The following SLC7A2 variants were observed in gnomAD, a reference collection of about 807,000 sequenced individuals.
The protein encoded by SLC7A2 is cationic amino acid transporter 2.
SLC7A2 carries 48 observed loss-of-function variants against 58.9 expected under a neutral mutation model. The observed-to-expected ratio is 0.82, with a 90% CI of 0.65 to 1.04. The LOEUF is 1.04. SLC7A2 is among the 50% of genes least tolerant of loss of function. SLC7A2 has a pLI of 0.00. For synonymous variants in SLC7A2, 363 were observed against 314.5 expected, an observed-to-expected ratio of 1.15 and a Z score of -1.63; for missense variants, 1,029 against 818.8, an observed-to-expected ratio of 1.26 and a Z score of -3.13.
chr8:17,523,020 G>C (rs1170832313), intron 2 of SLC7A2, among the ~76,000 whole-genome samples: 3 of 152,108 alleles, frequency 2.0e-5, no homozygotes, highest in Non-Finnish European at 4.4e-5. Context: ...GGGTGACAGA[G>C]GGAGACCCTG....
chr8:17,501,754 A>G (rs1800169791), intron 1 of SLC7A2, among the ~76,000 whole-genome samples: 2 of 152,076 alleles, frequency 1.3e-5, no homozygotes, highest in Admixed American at 1.3e-4. Context: ...AATGAAAGCA[A>G]TACCCACACA....
intron 2 of SLC7A2, among the ~76,000 whole-genome samples, chr8:17,533,023 C>T (rs1801521692): frequency 6.6e-6 from 1 of 152,106 alleles, no homozygotes; most frequent in South Asian, 2.1e-4. Flanking sequence ...CACTTTATTT[C>T]CAGTTGTTTT....
At chr8:17,501,243 G>T (rs1203109833) in intron 1 of SLC7A2, among the ~76,000 whole-genome samples, 1 of 152,034 alleles carries the variant, frequency 6.6e-6, no homozygotes, top group South Asian at 2.1e-4. Context: ...CGAAATCCTG[G>T]CCTCAAGTGA....
rs191663355 is a variant in SLC7A2, at chr8:17,555,141, A to G, written c.1195+442A>G. On this transcript the variant is annotated intron_variant, in intron 8 of 12. Coordinates refer to ENST00000494857, the MANE Select transcript of SLC7A2 (RefSeq NM_001370338.1). ...AGACTGGAACATTTAATTCGCATGC[A>G]TGGACTTATAAAGAGGGTCTGCATG... 7.8e-6 allele frequency: 12 copies of G among 1,543,088 alleles called. No individual in the cohort carries two copies. The Admixed American group carries it at 1.6e-4, about 20-fold the overall frequency.
intron 5 of SLC7A2, among the ~76,000 whole-genome samples, chr8:17,549,851 T>C (rs1343063021): frequency 6.6e-6 from 1 of 152,228 alleles, no homozygotes; most frequent in Non-Finnish European, 1.5e-5. Flanking sequence ...GGAAGTTTTG[T>C]TTCGTGTTTT....
In SLC7A2 at chr8:17,548,831, C is replaced by G; in HGVS notation, c.686C>G (p.Ser229Ter). 3.1e-6 allele frequency: 5 copies of G among 1,596,770 alleles called. No individual in the cohort carries two copies. Residue 229 changes from serine to a stop codon, truncating the protein, a stop_gained, in exon 5 of 13, where the codon TCA (serine) becomes TGA (stop). Transcript: ENST00000494857. LOFTEE classifies it high-confidence loss of function. ...KISEEFLKNISASAREPPSEN... is the reference protein window; with the variant it reads ...KISEEFLKNI ...AGTGAAGAGTTTCTCAAAAATATAT[C>G]AGCAAGTGCCAGGTAAAATATTTGA...
At chr8:17,508,445 CG>C (rs1157036332) in intron 2 of SLC7A2, among the ~76,000 whole-genome samples, 1 of 152,086 alleles carries the variant, frequency 6.6e-6, no homozygotes, top group Non-Finnish European at 1.5e-5. Flanking sequence ...TCAATTGAGC[CG>C]GGCACAGTGG....
upstream of SLC7A2, among the ~76,000 whole-genome samples, chr8:17,494,495 A>T (rs150152040): frequency 8.9e-4 from 136 of 152,298 alleles, no homozygotes; most frequent in African/African-American, 3.0e-3. Flanking sequence ...CGTGAAATAG[A>T]AGGTGGGTGC....
chr8:17,538,662 A>T, intron 2 of SLC7A2: 1 of 677,308 alleles, frequency 1.5e-6, no homozygotes, highest in Non-Finnish European at 2.3e-6. Context: ...TTGGAACTTT[A>T]ACATTGTAGA....
At chr8:17,562,438 C>A (rs892557695) in intron 11 of SLC7A2, among the ~76,000 whole-genome samples, 1 of 151,982 alleles carries the variant, frequency 6.6e-6, no homozygotes, top group Non-Finnish European at 1.5e-5. Context: ...CTCCTGACCT[C>A]AAATAATCCA....
intron 2 of SLC7A2, among the ~76,000 whole-genome samples, chr8:17,523,747 A>T (rs567331459): frequency 7.9e-5 from 12 of 152,172 alleles, no homozygotes; most frequent in Non-Finnish European, 1.5e-4. Flanking sequence ...TGCAGCAAAA[A>T]CAAAGATAAC....
intron 2 of SLC7A2, among the ~76,000 whole-genome samples, chr8:17,536,070 T>A (rs576468235): frequency 6.6e-6 from 1 of 151,012 alleles, no homozygotes; most frequent in South Asian, 2.1e-4. Context: ...ACATGAATTA[T>A]CGCTCTGCCG....
At chr8:17,558,240 G>A in intron 8 of SLC7A2, 55 bp from the exon 9 acceptor site, 1 of 1,127,630 alleles carries the variant, frequency 8.9e-7, no homozygotes, top group Non-Finnish European at 1.3e-6. Context: ...GTTAGTAACT[G>A]TATGGAATTT....
intron 2 of SLC7A2, among the ~76,000 whole-genome samples, chr8:17,507,670 A>G (rs1203678115): frequency 2.0e-5 from 3 of 152,230 alleles, no homozygotes; most frequent in Non-Finnish European, 4.4e-5. Context: ...TACAATTATT[A>G]CATGTCAGTG....
intron 6 of SLC7A2, among the ~76,000 whole-genome samples, chr8:17,551,185 T>A (rs2150755108): frequency 6.6e-6 from 1 of 152,292 alleles, no homozygotes; most frequent in Non-Finnish European, 1.5e-5. Context: ...GTTGGTTGGT[T>A]GGTTTTTTTC....
chr8:17,510,818 A>C (rs762542170), intron 2 of SLC7A2: 3 of 152,228 alleles, frequency 2.0e-5, no homozygotes, highest in African/African-American at 4.8e-5. Flanking sequence ...TTATTGCAGC[A>C]CTGTTTACAA....
At chr8:17,527,711 C>T (rs1176118061) in intron 2 of SLC7A2, among the ~76,000 whole-genome samples, 7 of 152,120 alleles carry the variant, frequency 4.6e-5, no homozygotes, top group African/African-American at 4.8e-5. Flanking sequence ...TGGCATTCTT[C>T]GTGTGTCTCA....
intron 2 of SLC7A2, chr8:17,520,641 TAAAAAAAAAA>T (rs61512531): frequency 0.017 from 1,021 of 61,134 alleles, 13 homozygotes; most frequent in Non-Finnish European, 0.027. Flanking sequence ...ACTCTGTCTT[TAAAAAAAAAA>T]AAAAAAAAAA....
chr8:17,546,356 G>A (rs1441359322), intron 4 of SLC7A2, among the ~76,000 whole-genome samples: 1 of 152,118 alleles, frequency 6.6e-6, no homozygotes, highest in South Asian at 2.1e-4. Context: ...TTTGTTCTTA[G>A]AATCTCTGAA....
Sources: gnomAD v4.1 joint callset for allele counts (sites outside exome capture counted in the v4.1 genomes callset) on GRCh38, gnomAD v4.1.1 for gene constraint, MANE v1.5 for transcripts, NCBI Gene and HGNC (gene_info 2026-07-23, HGNC 2026-07-21) for gene names.